The following LILRA2 variants were observed in gnomAD, a reference collection of about 807,000 sequenced individuals.
LILRA2 encodes leukocyte immunoglobulin-like receptor subfamily A member 2.
LILRA2 carries 45 observed loss-of-function variants against 47.9 expected under a neutral mutation model. That is an observed-to-expected ratio of 0.94 (90% confidence interval 0.74 to 1.20). The LOEUF (loss-of-function observed/expected upper bound fraction) is 1.20. Among genes scored for constraint, LILRA2 ranks in the 50% most tolerant of loss-of-function variants. The pLI is 0.00. For synonymous variants in LILRA2, 279 were observed against 249.2 expected (o/e 1.12, Z -1.13); for missense variants, 651 against 598.2 (o/e 1.09, Z -0.92).
chr19:54,577,081 G>T (rs1600213914), intron 6 of LILRA2, among the ~76,000 whole-genome samples: 1 of 152,270 alleles, frequency 6.6e-6, no homozygotes, highest in African/African-American at 2.4e-5. Flanking sequence ...ACGGAGATGG[G>T]GGCAGGTGCA....
rs147956044 is a variant in LILRA2, at chr19:54,587,075, G to T, written c.1306+15G>T. ...CTCCACGACTAGTGAGTGAGGAGAT[G>T]CTCTCAGTTATGGGACTGGCACAGA... On this transcript the variant is annotated intron_variant, in intron 7 of 7. Transcript: ENST00000391738. 7,836 of 1,611,546 alleles carry T rather than the reference G, an allele frequency of 4.9e-3. No homozygotes were observed. The South Asian group carries it at 0.062, about 13-fold the overall frequency.
chr19:54,575,256 G>A lies in LILRA2; in HGVS notation c.656G>A (p.Gly219Asp), dbSNP rs1485378528. Residue 219 changes from glycine to aspartate, a missense_variant and splice_region_variant, in exon 5 of 8, where the codon GGT (glycine) becomes GAT (aspartate). Gly to Asp is a moderately conservative substitution (Grantham distance 94). Transcript: ENST00000391738. ...PSDLLELLVPGVSKKPSLSVQ... is the reference protein window; with the variant it reads ...PSDLLELLVPDVSKKPSLSVQ... ...GGAAACCATGAACACCTTTTCCCAG[G>A]TGTTTCTAAGAAGCCATCACTCTCA... 3.1e-6 allele frequency: 5 copies of A among 1,606,930 alleles called. No individual in the cohort carries two copies. Among genetic ancestry groups the A allele is most frequent in the Non-Finnish European group, 4.3e-6 (5 of 1,175,066 alleles).
At chr19:54,577,498 C>T (rs1555779324) in intron 6 of LILRA2, 41 of 1,289,226 alleles carry the variant, frequency 3.2e-5, no homozygotes, top group South Asian at 4.9e-5. Flanking sequence ...CCCACACCTG[C>T]GGGGTCCCTG....
chr19:54,581,774 C>G (rs897045744), intron 6 of LILRA2, among the ~76,000 whole-genome samples: 7 of 149,444 alleles, frequency 4.7e-5, no homozygotes, highest in Admixed American at 2.6e-4. Context: ...CCATCCCCAT[C>G]AAGCTACCAA....
intron 6 of LILRA2, among the ~76,000 whole-genome samples, chr19:54,581,884 C>T (rs1267154964): frequency 6.6e-6 from 1 of 152,114 alleles, no homozygotes; most frequent in Non-Finnish European, 1.5e-5. Context: ...ACTTCTTTGC[C>T]CATTCAGTAT....
chr19:54,578,119 T>TTATA (rs143047057), intron 6 of LILRA2, among the ~76,000 whole-genome samples: 1 of 150,596 alleles, frequency 6.6e-6, no homozygotes, highest in African/African-American at 2.4e-5. Flanking sequence ...TTTGATTTCT[T>TTATA]TATATATATA....
At chr19:54,578,355 A>G (rs1365035857) in intron 6 of LILRA2, among the ~76,000 whole-genome samples, 2 of 149,856 alleles carry the variant, frequency 1.3e-5, no homozygotes, top group African/African-American at 2.5e-5. Flanking sequence ...TTCAACTCCC[A>G]TTATGAGTGA....
At chr19:54,573,493 TG>T, upstream of LILRA2, 1 of 1,000,964 alleles carries the variant, frequency 1.0e-6, no homozygotes. Flanking sequence ...GGAGACCCCA[TG>T]GGGAAGCTCT....
In LILRA2 at chr19:54,574,370, T is replaced by G; in HGVS notation, c.140T>G (p.Leu47Arg). ...SVIIQGSPVT[L>R]RCQGSLQAEE... is the part of the protein sequence containing the mutation. ...ATCATCCAGGGAAGTCCTGTGACCC[T>G]CAGGTGTCAGGGGAGCCTTCAGGCT... Residue 47 changes from leucine to arginine, a missense_variant, in exon 3 of 8, where the codon CTC becomes CGC. Transcript: ENST00000391738. The G allele has an allele frequency of 6.2e-7, 1 of 1,614,182 alleles. No homozygotes were observed. Among genetic ancestry groups the G allele is most frequent in the Non-Finnish European group, 8.5e-7 (1 of 1,180,008 alleles).
chr19:54,575,048 G>C lies in LILRA2; in HGVS notation c.655+15G>C, dbSNP rs772724291. 2.5e-6 allele frequency: 4 copies of C among 1,608,428 alleles called. No homozygotes were observed. In the Admixed American group the frequency reaches 6.7e-5, roughly 27 times the overall value. On this transcript the variant is annotated intron_variant, in intron 4 of 7. Transcript: ENST00000391738. ...CCTGGTCCCAGGTGAGAAATTCACA[G>C]AATTGCTTGGAGTTCCCTGAGTCTC...
rs185897400 is a variant in LILRA2, at chr19:54,585,385, C to T, written c.1256-1625C>T. On this transcript the variant is annotated intron_variant, in intron 6 of 7. Coordinates refer to ENST00000391738, the MANE Select transcript of LILRA2 (RefSeq NM_001130917.3). ...CCCTTTGTTCTACTATGCCCTGCCCCCAGAAGTGGAATCTGTAGAGGCAGT... is the reference window on the plus strand; with the variant it reads ...CCCTTTGTTCTACTATGCCCTGCCCTCAGAAGTGGAATCTGTAGAGGCAGT... Among the ~76,000 whole-genome samples, 219 of 152,334 alleles carry T rather than the reference C, an allele frequency of 1.4e-3. 1 individual carries two copies. Among genetic ancestry groups the T allele is most frequent in the African/African-American group, 4.7e-3 (197 of 41,556 alleles).
chr19:54,574,523 A>C lies in LILRA2; in HGVS notation c.293A>C (p.Gln98Pro), dbSNP rs1479534534. 1 of 1,525,560 alleles carries C rather than the reference A, an allele frequency of 6.6e-7. No homozygotes were observed. Among genetic ancestry groups the C allele is most frequent in the African/African-American group, 1.4e-5 (1 of 73,512 alleles). The allele number at this position is 1,525,560 out of a possible 1,614,324, so 94.5% of individuals were successfully genotyped here. A position where few individuals can be genotyped will look rare whatever the true frequency, so the allele number is the denominator to read the frequency against. ...GAACACGCAGGGCGGTATCACTGTC[A>C]GTACTACAGCCACAATCACTCATCA... ...TWEHAGRYHC[Q>P]YYSHNHSSEY... The change falls in exon 3 of 8, where the codon CAG becomes CCG. Residue 98 changes from glutamine to proline, a missense_variant. Transcript: ENST00000391738.
chr19:54,582,035 T>C (rs1347740166), intron 6 of LILRA2, among the ~76,000 whole-genome samples: 1 of 152,182 alleles, frequency 6.6e-6, no homozygotes, highest in Non-Finnish European at 1.5e-5. Flanking sequence ...AAGATAATCA[T>C]GTGGTTTTTG....
intron 6 of LILRA2, among the ~76,000 whole-genome samples, chr19:54,584,560 G>A (rs1007729173): frequency 1.3e-5 from 2 of 151,850 alleles, no homozygotes; most frequent in African/African-American, 2.4e-5. Flanking sequence ...CCACTTGATC[G>A]AATCAGCTAT....
chr19:54,574,682 A>G, intron 3 of LILRA2, 49 bp from the exon 4 acceptor site: 1 of 1,602,592 alleles, frequency 6.2e-7, no homozygotes, highest in Non-Finnish European at 8.5e-7. Flanking sequence ...CCTGGGGATG[A>G]TGTGGGAGGT....
intron 6 of LILRA2, among the ~76,000 whole-genome samples, chr19:54,579,423 G>A (rs976682399): frequency 2.0e-5 from 3 of 152,142 alleles, no homozygotes; most frequent in African/African-American, 7.2e-5. Context: ...GGTTGTAGAT[G>A]TGTGGTTTTA....
intron 6 of LILRA2, among the ~76,000 whole-genome samples, chr19:54,577,920 A>G (rs1162561175): frequency 6.6e-6 from 1 of 151,984 alleles, no homozygotes; most frequent in Non-Finnish European, 1.5e-5. Flanking sequence ...TTGAGTCTTG[A>G]TTTAATTTAT....
chr19:54,577,555 C>A (rs2062504744), intron 6 of LILRA2: 1 of 1,289,608 alleles, frequency 7.8e-7, no homozygotes, highest in Non-Finnish European at 1.0e-6. Context: ...TCGGTGGGAT[C>A]TGACTGTGAT....
At position 54,587,090 on chromosome 19, in the gene LILRA2, A is replaced by G. The variant is rs190558137; in HGVS notation, c.1306+30A>G. The G allele has an allele frequency of 4.8e-3, 7,746 of 1,610,760 alleles. No homozygotes were observed. In the South Asian group the frequency reaches 0.061, roughly 13 times the overall value. ...GTGAGGAGATGCTCTCAGTTATGGG[A>G]CTGGCACAGAGGGTCAGGTCCTGTA... On this transcript the variant is annotated intron_variant, in intron 7 of 7. Transcript: ENST00000391738.
Sources: gnomAD v4.1 joint callset for allele counts (sites outside exome capture counted in the v4.1 genomes callset) on GRCh38, gnomAD v4.1.1 for gene constraint, MANE v1.5 for transcripts, NCBI Gene and HGNC (gene_info 2026-07-23, HGNC 2026-07-21) for gene names.